FBN1: variants seen among roughly 807,000 people sequenced by gnomAD.
The protein encoded by FBN1 is fibrillin 1.
Under a neutral mutation model 365.1 loss-of-function variants are expected in FBN1, and 29 were observed. The observed-to-expected ratio is 0.08, with a 90% confidence interval of 0.06 to 0.11. The LOEUF (loss-of-function observed/expected upper bound fraction) is 0.11. Ranked by LOEUF, FBN1 falls within the 10% of genes least tolerant of loss-of-function variation. The pLI is 1.00. For synonymous variants in FBN1, 1,210 were observed against 1,270.5 expected, an observed-to-expected ratio of 0.95 and a Z score of 1.01; for missense variants, 2,476 against 3,703.2, an observed-to-expected ratio of 0.67 and a Z score of 8.60.
chr15:48,520,839 C>A, intron 9 of FBN1, 22 bp from the exon 10 acceptor site: 1 of 1,590,998 alleles, frequency 6.3e-7, no homozygotes, highest in Non-Finnish European at 8.6e-7. Flanking sequence ...GAAACACATA[C>A]ACACACACAC....
intron 42 of FBN1, among the ~76,000 whole-genome samples, chr15:48,461,319 C>T (rs1446535309): frequency 2.0e-5 from 3 of 152,026 alleles, no homozygotes; most frequent in African/African-American, 7.2e-5. Context: ...TGTAGATATT[C>T]AAAACTCAGG....
intron 20 of FBN1, 51 bp from the exon 21 acceptor site, chr15:48,495,639 A>G: frequency 6.2e-7 from 1 of 1,612,600 alleles, no homozygotes; most frequent in Admixed American, 1.7e-5. Context: ...CTTGGGCCTA[A>G]AAGAGTACTT....
chr15:48,592,894 A>C (rs2044489335), intron 6 of FBN1, among the ~76,000 whole-genome samples: 1 of 152,214 alleles, frequency 6.6e-6, no homozygotes, highest in South Asian at 2.1e-4. Context: ...ATCACAGGCC[A>C]AATAAGCCAC....
intron 5 of FBN1, among the ~76,000 whole-genome samples, chr15:48,599,383 A>G (rs2044542744): frequency 1.3e-5 from 2 of 152,202 alleles, no homozygotes; most frequent in South Asian, 4.1e-4. Context: ...AAAGTGGTAC[A>G]AAAACTATAT....
At chr15:48,426,055 C>G (rs1045349635) in intron 58 of FBN1, among the ~76,000 whole-genome samples, 191 bp from the exon 59 acceptor site, 1 of 152,146 alleles carries the variant, frequency 6.6e-6, no homozygotes, top group African/African-American at 2.4e-5. Flanking sequence ...CAAATAACTT[C>G]ATTAGACTAC....
rs117614784 is a variant in FBN1, at chr15:48,474,056, T to G, written c.4210+199A>C. Among the ~76,000 whole-genome samples, 3 of 152,298 alleles carry G rather than the reference T, an allele frequency of 2.0e-5. No homozygotes were observed. The East Asian group carries it at 5.8e-4, about 29-fold the overall frequency. Reference sequence around the variant, plus strand: ...ATCTATCTATCTATCTACCTACGTATCTACCTATCGAGAAGCTTTTGAGGT... The same window carrying G: ...ATCTATCTATCTATCTACCTACGTAGCTACCTATCGAGAAGCTTTTGAGGT... On this transcript the variant is annotated intron_variant, in intron 34 of 65. Transcript: ENST00000316623.
chr15:48,625,143 C>T (rs1889851843), intron 2 of FBN1, among the ~76,000 whole-genome samples: 1 of 152,116 alleles, frequency 6.6e-6, no homozygotes, highest in African/African-American at 2.4e-5. Flanking sequence ...ACAGGTAGAG[C>T]TCCAAAATTT....
chr15:48,498,761 C>T (rs2043630301), intron 18 of FBN1, among the ~76,000 whole-genome samples: 1 of 152,126 alleles, frequency 6.6e-6, no homozygotes, highest in African/African-American at 2.4e-5. Context: ...ACCTGACCCC[C>T]TCAGTGGCCA....
At chr15:48,501,434 C>A (rs2043656522) in intron 17 of FBN1, among the ~76,000 whole-genome samples, 1 of 152,180 alleles carries the variant, frequency 6.6e-6, no homozygotes, top group Non-Finnish European at 1.5e-5. Context: ...CAGATGCTGG[C>A]ACCTTGATAT....
intron 6 of FBN1, among the ~76,000 whole-genome samples, chr15:48,545,649 T>G (rs1312725647): frequency 6.6e-6 from 1 of 152,172 alleles, no homozygotes; most frequent in Non-Finnish European, 1.5e-5. Context: ...ACAATGTGAA[T>G]GTACTTAATG....
chr15:48,630,746 AAAAAGAAAAG>A (rs1013867619), intron 2 of FBN1, among the ~76,000 whole-genome samples: 1 of 145,332 alleles, frequency 6.9e-6, no homozygotes, highest in African/African-American at 2.8e-5. Flanking sequence ...AAAAAAAAAA[AAAAAGAAAAG>A]AAAAGAAAAG....
chr15:48,487,142 G>C lies in FBN1; in HGVS notation c.3522C>G (p.Leu1174=), dbSNP rs778312047. Residue 1174 remains leucine, a synonymous_variant, in exon 29 of 66, where the codon CTC becomes CTG. Transcript: ENST00000316623. ...TGCAGGCACACTGATACTTCCCTATGAGGTTCACGCAACGGCCATTGGGGC... is the reference window on the plus strand; with the variant it reads ...TGCAGGCACACTGATACTTCCCTATCAGGTTCACGCAACGGCCATTGGGGC... ...HLCPNGRCVN[L]IGKYQCACNP... 6.2e-7 allele frequency: 1 copy of C among 1,614,174 alleles called. No homozygotes were observed. Among genetic ancestry groups the C allele is most frequent in the Admixed American group, 1.7e-5 (1 of 60,008 alleles).
chr15:48,467,852 T>C, intron 38 of FBN1, 86 bp downstream of exon 38: 1 of 1,218,706 alleles, frequency 8.2e-7, no homozygotes, highest in Non-Finnish European at 1.2e-6. Context: ...TTCTCTGATC[T>C]AAGAGTAGAA....
At chr15:48,609,759 G>A (rs1000804236) in intron 4 of FBN1, among the ~76,000 whole-genome samples, 6 of 152,192 alleles carry the variant, frequency 3.9e-5, no homozygotes, top group Non-Finnish European at 5.9e-5. Flanking sequence ...AGAGTCCCCC[G>A]TGTTCATCCA....
chr15:48,423,380 A>C (rs1350381869), intron 60 of FBN1, among the ~76,000 whole-genome samples: 1 of 152,120 alleles, frequency 6.6e-6, no homozygotes, highest in East Asian at 1.9e-4. Flanking sequence ...GACCTGTCCT[A>C]GTTCCGGCTT....
intron 38 of FBN1, among the ~76,000 whole-genome samples, 157 bp downstream of exon 38, chr15:48,467,781 T>C (rs1247665866): frequency 1.3e-5 from 2 of 150,812 alleles, no homozygotes; most frequent in Non-Finnish European, 2.9e-5. Context: ...ACCAGGAATA[T>C]TTTCTGACTC....
chr15:48,501,796 G>A (rs1448517130), intron 17 of FBN1, among the ~76,000 whole-genome samples: 1 of 152,094 alleles, frequency 6.6e-6, no homozygotes, highest in Non-Finnish European at 1.5e-5. Flanking sequence ...AAGTAGGTAA[G>A]TAAAGTACTT....
At position 48,492,519 on chromosome 15, in the gene FBN1, T is replaced by C. The variant is rs1261762653; in HGVS notation, c.2796A>G (p.Ser932=). Residue 932 remains serine, a synonymous_variant, in exon 24 of 66, where the codon TCA becomes TCG. Transcript: ENST00000316623. ...KNGLCVNTRG[S]FKCQCPSGMT... is the part of the protein sequence containing the mutation. The stretch of plus-strand genomic sequence containing the variant: ...TTCCACTGGGACACTGACACTTGAA[T>C]GACCCCCTAGTGTTAACACACAGGC... The C allele has an allele frequency of 6.2e-7, 1 of 1,613,054 alleles. No homozygotes were observed. Among genetic ancestry groups the C allele is most frequent in the Non-Finnish European group, 8.5e-7 (1 of 1,179,048 alleles).
intron 2 of FBN1, among the ~76,000 whole-genome samples, chr15:48,633,813 A>G (rs1399925986): frequency 6.6e-6 from 1 of 152,182 alleles, no homozygotes; most frequent in African/African-American, 2.4e-5. Context: ...GTGTGAACAC[A>G]AAGAGGCCCA....
Sources: gnomAD v4.1 joint callset for allele counts (sites outside exome capture counted in the v4.1 genomes callset) on GRCh38, gnomAD v4.1.1 for gene constraint, MANE v1.5 for transcripts, NCBI Gene and HGNC (gene_info 2026-07-23, HGNC 2026-07-21) for gene names.